PPTC7: variants seen among roughly 807,000 people sequenced by gnomAD.
PPTC7 encodes protein phosphatase targeting COQ7.
PPTC7 carries 6 observed loss-of-function variants against 30.8 expected under a neutral mutation model. The ratio of observed to expected loss-of-function variants is 0.19; its 90% CI spans 0.11 to 0.38. PPTC7 has a LOEUF of 0.38. PPTC7 is among the 10% of genes least tolerant of loss of function. PPTC7 has a pLI of 1.00. For synonymous variants in PPTC7, 163 were observed against 168.1 expected (o/e 0.97, Z 0.23); for missense variants, 218 against 404.8 (o/e 0.54, Z 3.96).
At chr12:110,576,161 C>A (rs2064587297) in intron 1 of PPTC7, among the ~76,000 whole-genome samples, 1 of 152,072 alleles carries the variant, frequency 6.6e-6, no homozygotes, top group South Asian at 2.1e-4. Flanking sequence ...CCACAATTTT[C>A]TCTTGGAAGC....
intron 1 of PPTC7, among the ~76,000 whole-genome samples, chr12:110,564,794 T>C (rs148680775): frequency 1.1e-4 from 16 of 147,382 alleles, no homozygotes; most frequent in Admixed American, 4.0e-4. Flanking sequence ...ACACGTTATA[T>C]ATATATACAC....
At chr12:110,548,744 C>A (rs368720885) in intron 2 of PPTC7, among the ~76,000 whole-genome samples, 2 of 152,148 alleles carry the variant, frequency 1.3e-5, no homozygotes, top group African/African-American at 4.8e-5. Flanking sequence ...TGCTACCCTG[C>A]GACAGTAACT....
rs897622416 is a variant in PPTC7, at chr12:110,555,452, A to G, written c.224-3484T>C. Among the ~76,000 whole-genome samples the G allele has an allele frequency of 2.0e-5, 3 of 152,246 alleles. No homozygotes were observed. In the South Asian group the frequency reaches 6.2e-4, roughly 31 times the overall value. ...TTGAAGCTGAATAAGAAGAACACCC[A>G]TCTCTCTACTTTGATATATATTTGA... On this transcript the variant is annotated intron_variant, in intron 1 of 5. Transcript: ENST00000354300.
intron 2 of PPTC7, among the ~76,000 whole-genome samples, chr12:110,547,168 G>A (rs1248445471): frequency 1.3e-5 from 2 of 152,088 alleles, no homozygotes; most frequent in Admixed American, 6.6e-5. Flanking sequence ...AGAAAGAACT[G>A]GAAACAATCT....
At chr12:110,543,521 G>A (rs889683893) in intron 3 of PPTC7, among the ~76,000 whole-genome samples, 2 of 152,044 alleles carry the variant, frequency 1.3e-5, no homozygotes, top group Non-Finnish European at 2.9e-5. Flanking sequence ...AATGCAAGAC[G>A]CTCTCATCTG....
intron 1 of PPTC7, 84 bp from the exon 2 acceptor site, chr12:110,552,052 AAT>A: frequency 9.0e-7 from 1 of 1,108,086 alleles, no homozygotes; most frequent in Non-Finnish European, 1.3e-6. Context: ...CCTAACAGTT[AAT>A]TTCACTACAT....
At chr12:110,546,184 T>TGTTTAGGCAAAGGAGA in intron 2 of PPTC7, 106 bp from the exon 3 acceptor site, 1 of 896,666 alleles carries the variant, frequency 1.1e-6, no homozygotes. Flanking sequence ...TTCAATCTCC[T>TGTTTAGGCAAAGGAGA]TTGCCTAAAC....
chr12:110,561,728 G>A (rs2064439179), intron 1 of PPTC7, among the ~76,000 whole-genome samples: 3 of 152,094 alleles, frequency 2.0e-5, no homozygotes, highest in Admixed American at 6.5e-5. Flanking sequence ...AGGCTGAGGC[G>A]GGTGTATCAT....
At position 110,539,936 on chromosome 12, in the gene PPTC7, A is replaced by G. The variant is rs2064244527; in HGVS notation, c.612T>C (p.Ala204=). The change falls in exon 4 of 6, where the codon GCT becomes GCC. Residue 204 remains alanine (A), a synonymous_variant. Transcript: ENST00000354300. ...EGVVLSDSPD[A]ADSTSFDVQL... The stretch of plus-strand genomic sequence containing the variant: ...GGACATCGAAAGACGTGCTATCAGC[A>G]GCATCCGGACTGTGGCAAGGACAGG... 6 of 1,614,120 alleles carry G rather than the reference A, an allele frequency of 3.7e-6. No individual in the cohort carries two copies. Among genetic ancestry groups the G allele is most frequent in the Non-Finnish European group, 5.1e-6 (6 of 1,179,972 alleles).
intron 1 of PPTC7, among the ~76,000 whole-genome samples, chr12:110,558,764 G>A (rs766181280): frequency 3.3e-5 from 5 of 151,716 alleles, no homozygotes; most frequent in East Asian, 3.9e-4. Context: ...TAGCTACCAC[G>A]CTCCGCTAAT....
chr12:110,551,173 A>G (rs1181322524), intron 2 of PPTC7, among the ~76,000 whole-genome samples: 1 of 152,188 alleles, frequency 6.6e-6, no homozygotes, highest in Non-Finnish European at 1.5e-5. Context: ...TCTCATACCT[A>G]TCTTTTGGTT....
intron 1 of PPTC7, among the ~76,000 whole-genome samples, chr12:110,568,939 C>T (rs1204560947): frequency 5.3e-5 from 8 of 152,054 alleles, no homozygotes; most frequent in African/African-American, 7.2e-5. Flanking sequence ...GGCTTCAGTC[C>T]GGGAGGTCGA....
intron 1 of PPTC7, among the ~76,000 whole-genome samples, chr12:110,562,703 G>GAATC (rs2064448349): frequency 6.6e-6 from 1 of 151,736 alleles, no homozygotes; most frequent in African/African-American, 2.4e-5. Flanking sequence ...TGAGGCAGGA[G>GAATC]AATCGCTTGA....
At chr12:110,551,267 T>C (rs1012816899) in intron 2 of PPTC7, among the ~76,000 whole-genome samples, 8 of 152,260 alleles carry the variant, frequency 5.3e-5, no homozygotes, top group Non-Finnish European at 1.2e-4. Context: ...TCATATTTAA[T>C]ACCAAATTGT....
intron 1 of PPTC7, among the ~76,000 whole-genome samples, chr12:110,571,842 A>T (rs995470373): frequency 4.6e-5 from 7 of 152,226 alleles, no homozygotes; most frequent in Non-Finnish European, 8.8e-5. Context: ...AGAGAAATGG[A>T]TTTCTAAGAA....
chr12:110,568,947 C>T (rs1395529250), intron 1 of PPTC7, among the ~76,000 whole-genome samples: 2 of 152,084 alleles, frequency 1.3e-5, no homozygotes, highest in East Asian at 1.9e-4. Flanking sequence ...TCCGGGAGGT[C>T]GAGGCTGCAG....
chr12:110,545,654 C>A (rs539434166), intron 3 of PPTC7, among the ~76,000 whole-genome samples: 1 of 152,288 alleles, frequency 6.6e-6, no homozygotes, highest in African/African-American at 2.4e-5. Context: ...ATAGTATTTT[C>A]ATGGTCTTGT....
At chr12:110,545,769 CAG>C (rs1282064496) in intron 3 of PPTC7, 109 bp downstream of exon 3, 1 of 924,560 alleles carries the variant, frequency 1.1e-6, no homozygotes, top group Non-Finnish European at 1.7e-6. Flanking sequence ...AGAACATTCT[CAG>C]TGTATTCTTT....
At chr12:110,574,749 C>T (rs188593573) in intron 1 of PPTC7, among the ~76,000 whole-genome samples, 1 of 152,068 alleles carries the variant, frequency 6.6e-6, no homozygotes, top group African/African-American at 2.4e-5. Context: ...TATTTTAGTT[C>T]TCAGGGAGAC....
Sources: allele counts gnomAD v4.1 joint callset (sites outside exome capture counted in the v4.1 genomes callset), GRCh38; gene constraint gnomAD v4.1.1; transcripts MANE v1.5; gene names NCBI Gene and HGNC (gene_info 2026-07-23, HGNC 2026-07-21).